The following TRPM5 variants were observed in gnomAD, a reference collection of about 807,000 sequenced individuals.
TRPM5 encodes the protein MLSN1 and TRP-related.
A neutral mutation model predicts 124.9 loss-of-function variants in TRPM5; 121 were observed. The observed-to-expected ratio is 0.97, with a 90% CI of 0.84 to 1.13. The LOEUF is 1.13. Among genes scored for constraint, TRPM5 ranks in the 50% most tolerant of loss-of-function variants. TRPM5 has a pLI of 0.00. For synonymous variants in TRPM5, 781 were observed against 700.5 expected, an observed-to-expected ratio of 1.11 and a Z score of -1.81; for missense variants, 1,643 against 1,589.1, an observed-to-expected ratio of 1.03 and a Z score of -0.58.
At chr11:2,420,533 C>T in intron 3 of TRPM5, 128 bp from the exon 9 acceptor site, 1 of 951,334 alleles carries the variant, frequency 1.1e-6, no homozygotes, top group Non-Finnish European at 1.5e-6. Flanking sequence ...CTGCCCGAGC[C>T]TTGGTTTCCC....
chr11:2,414,356 G>T, intron 11 of TRPM5, 150 bp from the exon 17 acceptor site: 1 of 1,177,948 alleles, frequency 8.5e-7, no homozygotes, highest in Admixed American at 2.7e-5. Flanking sequence ...TGCCCCCTCC[G>T]GCCTGCTCCG....
At chr11:2,411,599 C>T in intron 17 of TRPM5, 36 bp downstream of exon 22, 5 of 1,610,842 alleles carry the variant, frequency 3.1e-6, no homozygotes, top group Non-Finnish European at 4.2e-6. Flanking sequence ...GATTGCTGTC[C>T]CTCCAGGGCC....
At chr11:2,438,969 C>A in the TRPM5 span, among the ~76,000 whole-genome samples, 1 of 152,050 alleles carries the variant, frequency 6.6e-6, no homozygotes, top group African/African-American at 2.4e-5. The surrounding 1 kb of genome is among the most constrained non-coding windows in gnomAD (Gnocchi z 5.9). Flanking sequence ...AGTACTGGTA[C>A]AAAAATAGAC....
intron 11 of TRPM5, 117 bp downstream of exon 16, chr11:2,414,598 C>G: frequency 1.5e-6 from 2 of 1,376,252 alleles, no homozygotes; most frequent in East Asian, 5.1e-5. Context: ...CCCCTGAGGG[C>G]ACCTGGAGCC....
intron 13 of TRPM5, 110 bp downstream of exon 18, chr11:2,413,366 G>T: frequency 7.6e-7 from 1 of 1,309,410 alleles, no homozygotes; most frequent in Non-Finnish European, 1.0e-6. Flanking sequence ...TGGACTTGGG[G>T]GCTACAGAGT....
exon 20 of TRPM5, chr11:2,407,180 G>C (rs1850341029): frequency 1.2e-6 from 2 of 1,611,570 alleles, no homozygotes; most frequent in Non-Finnish European, 1.7e-6. Flanking sequence ...TCAGGCTCAG[G>C]TGGCTGAGCA....
At chr11:2,427,848 G>C (rs1197678457), upstream of TRPM5, among the ~76,000 whole-genome samples, 1 of 152,064 alleles carries the variant, frequency 6.6e-6, no homozygotes, top group Non-Finnish European at 1.5e-5. Flanking sequence ...CCGGGGTGCT[G>C]GGCCCAGCTG....
chr11:2,423,266 C>T (rs565125243), upstream of TRPM5, among the ~76,000 whole-genome samples: 8 of 152,314 alleles, frequency 5.3e-5, no homozygotes, highest in South Asian at 2.1e-4. Context: ...GCTGTAGCAC[C>T]GCCCCAACCA....
At position 2,406,059 on chromosome 11, in the gene TRPM5, AG is replaced by A; in HGVS notation, c.3283del (p.Leu1095Ter). The A allele has an allele frequency of 6.2e-7, 1 of 1,612,406 alleles. No individual in the cohort carries two copies. The highest frequency in any genetic ancestry group is 1.3e-5 in the African/African-American group (1 of 74,956). On this transcript the variant is annotated frameshift_variant, in exon 22 of 24. Coordinates refer to ENST00000155858, the Ensembl canonical transcript of TRPM5. LOFTEE classifies it high-confidence loss of function. ...CTTGATGCGCTTTTCTTGCTCTCTC[AG>A]ACCCCCGAGGTACTTGGCAATGAAG... is the stretch of plus-strand genomic sequence containing the variant.
chr11:2,433,091 G>A, the TRPM5 span, among the ~76,000 whole-genome samples: 1 of 152,216 alleles, frequency 6.6e-6, no homozygotes, highest in Non-Finnish European at 1.5e-5. Context: ...CTGCTGTCTC[G>A]GCACCATCCT....
At chr11:2,422,076 G>C (rs1202833342) in intron 2 of TRPM5, 65 bp downstream of exon 7, 1 of 1,495,330 alleles carries the variant, frequency 6.7e-7, no homozygotes, top group Non-Finnish European at 9.0e-7. Flanking sequence ...CGGGTTGCGG[G>C]GACAGTCAGG....
At chr11:2,417,917 G>T in intron 6 of TRPM5, 88 bp from the exon 12 acceptor site, 1 of 1,303,062 alleles carries the variant, frequency 7.7e-7, no homozygotes, top group Non-Finnish European at 1.1e-6. Context: ...GTAGGCACAG[G>T]CAGCGTCCCC....
upstream of TRPM5, among the ~76,000 whole-genome samples, chr11:2,426,276 C>T (rs933028182): frequency 2.0e-5 from 3 of 152,184 alleles, no homozygotes; most frequent in African/African-American, 7.2e-5. Flanking sequence ...CCACCCCTTG[C>T]CCCATGCCCA....
chr11:2,437,072 C>G, the TRPM5 span, among the ~76,000 whole-genome samples: 5 of 152,232 alleles, frequency 3.3e-5, no homozygotes, highest in Non-Finnish European at 7.3e-5. The surrounding 1 kb of genome is among the most constrained non-coding windows in gnomAD (Gnocchi z 5.6). Context: ...GTGCACCTTT[C>G]CCAGCCTGCT....
chr11:2,409,521 G>T (rs1001698552), intron 18 of TRPM5, among the ~76,000 whole-genome samples: 1 of 152,220 alleles, frequency 6.6e-6, no homozygotes, highest in East Asian at 1.9e-4. Flanking sequence ...GGCTCGGCAC[G>T]AGTGCAGAGT....
At chr11:2,407,769 C>G in exon 19 of TRPM5, 1 of 1,613,476 alleles carries the variant, frequency 6.2e-7, no homozygotes, top group Non-Finnish European at 8.5e-7. Flanking sequence ...CTGAACATGG[C>G]GATGAGCAGG....
At chr11:2,434,265 C>G in the TRPM5 span, among the ~76,000 whole-genome samples, 1 of 144,180 alleles carries the variant, frequency 6.9e-6, no homozygotes, top group African/African-American at 2.6e-5. Context: ...GTGTGTGCGT[C>G]TGTGTGGACA....
In TRPM5 at chr11:2,407,211, G is replaced by GCGGGGCCAGGT. The variant is rs1850341975; in HGVS notation, c.3025_3026insACCTGGCCCCG (p.Ala1009AspfsTer16). 1.2e-6 allele frequency: 2 copies of GCGGGGCCAGGT among 1,611,610 alleles called. No individual in the cohort carries two copies. The highest frequency in any genetic ancestry group is 1.3e-5 in the African/African-American group (1 of 74,856). ...GAGCAGGATGAAGGGCGGGGCCAGG[G>GCGGGGCCAGGT]CGGGGCGCTCGTGGTACTCCACAAT... On this transcript the variant is annotated frameshift_variant, in exon 20 of 24. Transcript: ENST00000155858. LOFTEE classifies it high-confidence loss of function.
intron 11 of TRPM5, 59 bp from the exon 17 acceptor site, chr11:2,414,265 C>T (rs573938041): frequency 7.8e-6 from 12 of 1,547,962 alleles, no homozygotes; most frequent in South Asian, 4.8e-5. Flanking sequence ...CGGCCCCCGA[C>T]GCCCCTCCTC....
Sources: allele counts gnomAD v4.1 joint callset (sites outside exome capture counted in the v4.1 genomes callset), GRCh38; gene constraint gnomAD v4.1.1; non-coding constraint Gnocchi (gnomAD v3.1); transcripts MANE v1.5; gene names NCBI Gene and HGNC (gene_info 2026-07-23, HGNC 2026-07-21).